Variants in GALNT2 observed in about 807,000 individuals in gnomAD.
GALNT2 encodes the protein UDP-GalNAc:polypeptide N-acetylgalactosaminyltransferase 2.
Under a neutral mutation model 81.4 loss-of-function variants are expected in GALNT2, and 31 were observed. The observed-to-expected ratio is 0.38, with a 90% CI of 0.29 to 0.51. The LOEUF (loss-of-function observed/expected upper bound fraction) is 0.51, where lower values mean the gene tolerates loss of function less well. GALNT2 is among the 20% of genes least tolerant of loss of function. The pLI is 0.87. For synonymous variants in GALNT2, 303 were observed against 287.4 expected, an observed-to-expected ratio of 1.05 and a Z score of -0.55; for missense variants, 629 against 765.7, an observed-to-expected ratio of 0.82 and a Z score of 2.11.
rs15273 is a variant in GALNT2, at chr1:230,279,847, G to T, written c.*389G>T. 3,866 of 470,708 alleles carry T rather than the reference G, an allele frequency of 8.2e-3. 22 individuals are homozygous for T. The highest frequency in any genetic ancestry group is 0.012 in the Middle Eastern group (36 of 3,096). 29.2% of individuals were successfully genotyped at this position (470,708 alleles called of 1,614,324 possible). On this transcript the variant is annotated 3_prime_UTR_variant, in exon 16 of 16. Transcript: ENST00000366672. The surrounding 1 kb of genome is among the most constrained non-coding windows in gnomAD (Gnocchi z 4.6). ...GGGAGGAGGGGGCACACATGCCCCA[G>T]GGGAGCGAGGAGAACTCTTGAAATC...
chr1:230,196,919 C>T (rs986045800), intron 2 of GALNT2, among the ~76,000 whole-genome samples: 9 of 152,096 alleles, frequency 5.9e-5, no homozygotes. Flanking sequence ...GACCCAGTAC[C>T]GCCAAGGAAT....
chr1:230,077,242 C>T (rs1659591794), intron 1 of GALNT2, among the ~76,000 whole-genome samples: 1 of 152,186 alleles, frequency 6.6e-6, no homozygotes, highest in Non-Finnish European at 1.5e-5. Flanking sequence ...AGCTTTTGCT[C>T]TGTGACCTTC....
intron 1 of GALNT2, among the ~76,000 whole-genome samples, chr1:230,176,777 C>T (rs1277013833): frequency 6.6e-6 from 1 of 152,114 alleles, no homozygotes; most frequent in Non-Finnish European, 1.5e-5. Flanking sequence ...AACTTTTTTG[C>T]AGTAAAAATT....
chr1:230,236,491 T>G (rs1185437581), intron 5 of GALNT2, 71 bp downstream of exon 5: 1 of 1,525,222 alleles, frequency 6.6e-7, no homozygotes, highest in Non-Finnish European at 9.1e-7. Flanking sequence ...GTAGTGGGGG[T>G]GCTAATGAGG....
chr1:230,246,233 TG>T lies in GALNT2; in HGVS notation c.817+84del, dbSNP rs753356089. 7 of 1,063,660 alleles carry T rather than the reference TG, an allele frequency of 6.6e-6. No individual in the cohort carries two copies. The African/African-American group carries it at 1.1e-4, about 17-fold the overall frequency. The allele number at this position is 1,063,660 out of a possible 1,614,324, so 65.9% of individuals were successfully genotyped here. A position where few individuals can be genotyped will look rare whatever the true frequency, so the allele number is the denominator to read the frequency against. On this transcript the variant is annotated intron_variant, in intron 8 of 15. Transcript: ENST00000366672. ...CACCACTCCCTCTCATTGTCAGGAG[TG>T]ACAGTGACAACAGTGTTCACGCCGT...
At position 230,243,602 on chromosome 1, in the gene GALNT2, T is replaced by C. The variant is rs1307706989; in HGVS notation, c.729+175T>C. On this transcript the variant is annotated intron_variant, in intron 7 of 15. Transcript: ENST00000366672. This position sits in a 1 kb window ranked among gnomAD's most constrained non-coding sequence, Gnocchi z 4.2. ...GAAGGAAAATGCCTTTGGGGCATTG[T>C]AGAAAGACTGTTTTACTGGCTGTAG... is the stretch of plus-strand genomic sequence containing the variant. Among the ~76,000 whole-genome samples the C allele has an allele frequency of 1.3e-5, 2 of 152,172 alleles. No individual in the cohort carries two copies. Among genetic ancestry groups the C allele is most frequent in the African/African-American group, 2.4e-5 (1 of 41,434 alleles).
chr1:230,221,984 C>A (rs1664560039), intron 3 of GALNT2, among the ~76,000 whole-genome samples: 1 of 148,356 alleles, frequency 6.7e-6, no homozygotes, highest in Non-Finnish European at 1.5e-5. Flanking sequence ...TTCTTTTCAT[C>A]CTTGACATCA....
At chr1:230,236,152 A>G (rs769310700) in intron 4 of GALNT2, 40 bp downstream of exon 4, 158 of 1,587,924 alleles carry the variant, frequency 1.0e-4, no homozygotes, top group Non-Finnish European at 1.3e-4. Flanking sequence ...GGGTGTTAAG[A>G]CATTAGCTGT....
At chr1:230,196,918 C>T (rs79400476) in intron 2 of GALNT2, among the ~76,000 whole-genome samples, 346 of 152,208 alleles carry the variant, frequency 2.3e-3, no homozygotes, top group African/African-American at 8.1e-3. Flanking sequence ...AGACCCAGTA[C>T]CGCCAAGGAA....
chr1:230,088,229 G>A (rs185702523), intron 1 of GALNT2, among the ~76,000 whole-genome samples: 22 of 152,278 alleles, frequency 1.4e-4, no homozygotes, highest in African/African-American at 5.3e-4. Flanking sequence ...CTGGAACTCT[G>A]TATCCATTAA....
At chr1:230,191,652 C>T (rs777582158) in intron 2 of GALNT2, among the ~76,000 whole-genome samples, 8 of 152,172 alleles carry the variant, frequency 5.3e-5, no homozygotes, top group African/African-American at 1.2e-4. Context: ...GCTAGGACTA[C>T]GGGTATGTGC....
rs1366443206 is a variant in GALNT2, at chr1:230,104,108, C to T, written c.126+36702C>T. ...CTTCATTTTCCCTCTAACTCCTGAG[C>T]GTCCTGAAGCTTCTCTTATGGTTCT... On this transcript the variant is annotated intron_variant, in intron 1 of 15. Coordinates refer to ENST00000366672, the MANE Select transcript of GALNT2 (RefSeq NM_004481.5). Among the ~76,000 whole-genome samples, 12 of 152,274 alleles carry T rather than the reference C, an allele frequency of 7.9e-5. 2 individuals carry two copies. The highest frequency in any genetic ancestry group is 5.9e-4 in the Admixed American group (9 of 15,294).
intron 2 of GALNT2, among the ~76,000 whole-genome samples, chr1:230,185,273 C>T (rs674256): frequency 0.4 from 47,178 of 118,952 alleles, 9,047 homozygotes; most frequent in East Asian, 0.64. Context: ...TGCGTGCGTG[C>T]GTGTGTGTGT....
At chr1:230,089,854 A>G (rs1369087893) in intron 1 of GALNT2, among the ~76,000 whole-genome samples, 4 of 152,218 alleles carry the variant, frequency 2.6e-5, no homozygotes, top group African/African-American at 9.7e-5. Context: ...TACTGTGAAC[A>G]CAGGTGTGCA....
At chr1:230,197,851 T>C (rs1189091634) in intron 2 of GALNT2, among the ~76,000 whole-genome samples, 6 of 152,146 alleles carry the variant, frequency 3.9e-5, no homozygotes, top group Admixed American at 3.9e-4. Context: ...AGCATTGGCC[T>C]GGACCCCTGT....
chr1:230,066,185 A>G (rs1303174496), upstream of GALNT2, among the ~76,000 whole-genome samples: 1 of 152,238 alleles, frequency 6.6e-6, no homozygotes, highest in Admixed American at 6.5e-5. Flanking sequence ...TTATCCTCTG[A>G]CCGAGAAGCT....
In GALNT2 at chr1:230,119,332, G is replaced by A. The variant is rs190476455; in HGVS notation, c.126+51926G>A. On this transcript the variant is annotated intron_variant, in intron 1 of 15. Transcript: ENST00000366672. Reference sequence around the variant, plus strand: ...CCTGGATTTTGTGGCTTGCGTCTCCGTGGGGTAGTTTTCCATGTTCCTCCG... The same window carrying A: ...CCTGGATTTTGTGGCTTGCGTCTCCATGGGGTAGTTTTCCATGTTCCTCCG... 5.7e-4 allele frequency among the ~76,000 whole-genome samples: 87 copies of A among 152,268 alleles called. 2 individuals are homozygous for A. The highest frequency in any genetic ancestry group is 1.5e-3 in the African/African-American group (64 of 41,552).
chr1:230,206,517 G>T (rs6675496), intron 3 of GALNT2, among the ~76,000 whole-genome samples: 13,162 of 152,152 alleles, frequency 0.087, 1,000 homozygotes, highest in African/African-American at 0.2. Context: ...GTCTCAAAGT[G>T]TAAGCTCTAG....
chr1:230,178,966 T>C (rs1442048234), intron 2 of GALNT2, among the ~76,000 whole-genome samples: 1 of 152,038 alleles, frequency 6.6e-6, no homozygotes, highest in African/African-American at 2.4e-5. Flanking sequence ...GCGATCCTTT[T>C]GTTGCCTCTG....
Sources: allele counts gnomAD v4.1 joint callset (sites outside exome capture counted in the v4.1 genomes callset), GRCh38; gene constraint gnomAD v4.1.1; non-coding constraint Gnocchi (gnomAD v3.1); transcripts MANE v1.5; gene names NCBI Gene and HGNC (gene_info 2026-07-23, HGNC 2026-07-21).